PTK2: variants seen among roughly 807,000 people sequenced by gnomAD.
PTK2 encodes the protein protein tyrosine kinase 2, also known as focal adhesion kinase 1.
In PTK2, 45 loss-of-function variants were observed where a neutral mutation model predicts 150.1. That is an observed-to-expected ratio of 0.30 (90% confidence interval 0.24 to 0.38). The LOEUF is 0.38. Ranked by LOEUF, PTK2 falls within the 10% of genes least tolerant of loss-of-function variation. PTK2 has a pLI of 1.00. For missense variants in PTK2, 919 were observed against 1,307.3 expected (o/e 0.70, Z 4.58); for synonymous variants, 432 against 449.2 (o/e 0.96, Z 0.48).
intron 2 of PTK2, among the ~76,000 whole-genome samples, chr8:140,900,033 G>A (rs954153166): frequency 1.1e-4 from 17 of 152,134 alleles, no homozygotes; most frequent in East Asian, 1.9e-4. Flanking sequence ...TTTCCTCTGC[G>A]ATCTGAAACA....
chr8:140,931,084 A>AG (rs1361102543), intron 1 of PTK2, among the ~76,000 whole-genome samples: 5 of 151,508 alleles, frequency 3.3e-5, no homozygotes, highest in Non-Finnish European at 7.4e-5. Flanking sequence ...AAAAAAAAAA[A>AG]AAAGAAAAAG....
intron 1 of PTK2, among the ~76,000 whole-genome samples, chr8:140,929,447 T>TA (rs2100170924): frequency 1.3e-5 from 2 of 152,286 alleles, no homozygotes; most frequent in South Asian, 4.1e-4. Flanking sequence ...AATCACTGAC[T>TA]AAGGGCTTAT....
At chr8:140,781,511 T>C (rs964405000) in intron 14 of PTK2, among the ~76,000 whole-genome samples, 4 of 152,198 alleles carry the variant, frequency 2.6e-5, no homozygotes, top group African/African-American at 4.8e-5. Context: ...TACTCTCTTC[T>C]GGAAACAAAA....
rs73366332 is a variant in PTK2 at position 140,692,627 on chromosome 8, A to G, written c.2500-5933T>C. 2.4e-3 allele frequency among the ~76,000 whole-genome samples: 318 copies of G among 133,912 alleles called. 3 individuals carry two copies. Among genetic ancestry groups the G allele is most frequent in the African/African-American group, 8.4e-3 (303 of 36,272 alleles). 87.9% of individuals were successfully genotyped at this position (133,912 alleles called of 152,430 possible). On this transcript the variant is annotated intron_variant, in intron 26 of 31. Coordinates refer to ENST00000522684, the Ensembl canonical transcript of PTK2. ...AGTAAGACTTCGTCTCAAAACAAACAAAAACAAACAAGCCAAAAAAAAAAA... is the reference window on the plus strand; with the variant it reads ...AGTAAGACTTCGTCTCAAAACAAACGAAAACAAACAAGCCAAAAAAAAAAA...
chr8:140,949,118 T>TTTTCTTAATA (rs1189693438), intron 1 of PTK2, among the ~76,000 whole-genome samples: 1 of 152,154 alleles, frequency 6.6e-6, no homozygotes, highest in East Asian at 1.9e-4. Context: ...AATAAGTATA[T>TTTTCTTAATA]TTTCTTAATA....
intron 17 of PTK2, chr8:140,751,977 T>G (rs570439902): frequency 1.6e-6 from 1 of 634,532 alleles, no homozygotes; most frequent in Admixed American, 1.8e-5. Flanking sequence ...AGTGCAAAGA[T>G]GTGTAATGGC....
chr8:140,748,245 G>T (rs2100060622), intron 17 of PTK2, among the ~76,000 whole-genome samples: 2 of 152,170 alleles, frequency 1.3e-5, no homozygotes, highest in South Asian at 4.1e-4. Context: ...TGTAATCCCA[G>T]CACTTTGGGA....
intron 1 of PTK2, among the ~76,000 whole-genome samples, chr8:140,931,779 A>G (rs1348054615): frequency 1.3e-5 from 2 of 151,732 alleles, no homozygotes; most frequent in Admixed American, 1.3e-4. Context: ...CTACAAAAAA[A>G]TTTTAAAATA....
In PTK2 at chr8:140,820,097, TTTTTTTTTTTTTTTTTTTTTTA is replaced by T. The variant is rs1324295803; in HGVS notation, c.649-1099_649-1078del. Reference sequence around the variant, plus strand: ...TTTGGTTTTTTTTTTTTTTTTTTTTTTTTTTTTTTTTTTTTTTTTTTAAATAGGGTCTCACTCTGTCGCCCAG... The same window carrying T: ...TTTGGTTTTTTTTTTTTTTTTTTTTTAATAGGGTCTCACTCTGTCGCCCAG... On this transcript the variant is annotated intron_variant, in intron 8 of 31. Coordinates refer to ENST00000522684, the Ensembl canonical transcript of PTK2. Among the ~76,000 whole-genome samples, 169 of 89,874 alleles carry T rather than the reference TTTTTTTTTTTTTTTTTTTTTTA, an allele frequency of 1.9e-3. 1 individual carries two copies. Among genetic ancestry groups the T allele is most frequent in the African/African-American group, 5.3e-3 (100 of 19,004 alleles). 59.0% of individuals were successfully genotyped at this position (89,874 alleles called of 152,430 possible).
At chr8:140,922,997 A>C (rs990190364) in intron 2 of PTK2, among the ~76,000 whole-genome samples, 2 of 152,206 alleles carry the variant, frequency 1.3e-5, no homozygotes, top group Admixed American at 1.3e-4. Context: ...TGAGAGGACA[A>C]ACAAGAAAAG....
chr8:140,770,854 C>T (rs1426080414), intron 14 of PTK2, 55 bp from the exon 15 acceptor site: 15 of 893,162 alleles, frequency 1.7e-5, no homozygotes, highest in Non-Finnish European at 1.9e-5. Context: ...TATTTCAATA[C>T]AAAAGACAAC....
chr8:140,839,787 A>G (rs1426648744), intron 7 of PTK2, among the ~76,000 whole-genome samples: 1 of 152,208 alleles, frequency 6.6e-6, no homozygotes, highest in Non-Finnish European at 1.5e-5. Flanking sequence ...ATAGTGGCAT[A>G]TATTTTCCAG....
intron 5 of PTK2, among the ~76,000 whole-genome samples, chr8:140,847,156 G>A (rs1029438952): frequency 2.6e-5 from 4 of 152,132 alleles, no homozygotes; most frequent in Admixed American, 6.5e-5. Flanking sequence ...ACAAAAATTT[G>A]CAGATGTATT....
intron 23 of PTK2, among the ~76,000 whole-genome samples, chr8:140,711,674 C>A (rs1157420195): frequency 6.6e-6 from 1 of 152,126 alleles, no homozygotes; most frequent in Non-Finnish European, 1.5e-5. Context: ...CAATGAAATT[C>A]CTATCAGTTA....
chr8:140,912,650 G>A (rs1415350838), intron 2 of PTK2, among the ~76,000 whole-genome samples: 1 of 151,886 alleles, frequency 6.6e-6, no homozygotes, highest in Non-Finnish European at 1.5e-5. Flanking sequence ...GAATTGAAAG[G>A]AACCTTTTTC....
rs141061498 is a variant in PTK2 at position 140,892,788 on chromosome 8, G to A, written c.-32-2019C>T. Among the ~76,000 whole-genome samples, 303 of 152,166 alleles carry A rather than the reference G, an allele frequency of 2.0e-3. 1 individual carries two copies. The highest frequency in any genetic ancestry group is 6.8e-3 in the African/African-American group (284 of 41,514). The stretch of plus-strand genomic sequence containing the variant: ...TATACAGAAATTCTTTTAAAATGAG[G>A]GGGGAAATGATAGAAAAGAATGCAA... On this transcript the variant is annotated intron_variant, in intron 2 of 31. Coordinates refer to ENST00000522684, the Ensembl canonical transcript of PTK2.
intron 14 of PTK2, among the ~76,000 whole-genome samples, chr8:140,767,183 C>T (rs757946133): frequency 1.3e-5 from 2 of 151,800 alleles, no homozygotes; most frequent in African/African-American, 2.4e-5. Context: ...CAGGCTAGCA[C>T]ACATTGTGGA....
rs185155472 is a variant in PTK2 at position 140,826,455 on chromosome 8, T to G, written c.648+4017A>C. 4.0e-3 allele frequency among the ~76,000 whole-genome samples: 611 copies of G among 152,316 alleles called. 5 individuals carry two copies. Among genetic ancestry groups the G allele is most frequent in the African/African-American group, 0.014 (584 of 41,576 alleles). On this transcript the variant is annotated intron_variant, in intron 8 of 31. Coordinates refer to ENST00000522684, the Ensembl canonical transcript of PTK2. The stretch of plus-strand genomic sequence containing the variant: ...ATACACACTATTGGGTACACAAAAT[T>G]ACAGTGATTCCCTTATTAAAAAGGG...
intron 1 of PTK2, among the ~76,000 whole-genome samples, chr8:140,928,564 T>A (rs565881827): frequency 1.3e-5 from 2 of 152,198 alleles, no homozygotes; most frequent in Admixed American, 6.5e-5. Context: ...CAGGTGTTCA[T>A]CCACAAATAA....
Sources: gnomAD v4.1 joint callset for allele counts (sites outside exome capture counted in the v4.1 genomes callset) on GRCh38, gnomAD v4.1.1 for gene constraint, MANE v1.5 for transcripts, NCBI Gene and HGNC (gene_info 2026-07-23, HGNC 2026-07-21) for gene names.